The following GRM1 variants were observed in gnomAD, a reference collection of about 807,000 sequenced individuals.
GRM1 encodes glutamate metabotropic receptor 1, also known as metabotropic glutamate receptor 1.
A neutral mutation model predicts 90.9 loss-of-function variants in GRM1; 33 were observed. The ratio of observed to expected loss-of-function variants is 0.36; its 90% confidence interval spans 0.28 to 0.49. GRM1 has a LOEUF of 0.49. GRM1 is among the 20% of genes least tolerant of loss of function. The pLI is 0.99. For synonymous variants in GRM1, 700 were observed against 613.2 expected, an observed-to-expected ratio of 1.14 and a Z score of -2.09; for missense variants, 1,190 against 1,534.3, an observed-to-expected ratio of 0.78 and a Z score of 3.75.
chr6:146,416,106 T>G (rs1777773318), intron 7 of GRM1, among the ~76,000 whole-genome samples: 1 of 152,188 alleles, frequency 6.6e-6, no homozygotes. Context: ...GTTTATATGT[T>G]TAAGGATTGT....
At chr6:146,346,308 G>C (rs1031324332) in intron 3 of GRM1, among the ~76,000 whole-genome samples, 1 of 152,000 alleles carries the variant, frequency 6.6e-6, no homozygotes, top group African/African-American at 2.4e-5. Flanking sequence ...CACATGTAAA[G>C]CCCAGGTGGG....
intron 7 of GRM1, among the ~76,000 whole-genome samples, chr6:146,421,948 GCAAT>G (rs374113796): frequency 1.7e-4 from 26 of 152,204 alleles, no homozygotes; most frequent in African/African-American, 5.5e-4. Context: ...GCTTTGGAAA[GCAAT>G]CAGAGGCACA....
chr6:146,029,912 A>G lies in GRM1; in HGVS notation c.395A>G (p.Asp132Gly). 3 of 1,614,034 alleles carry G rather than the reference A, an allele frequency of 1.9e-6. No individual in the cohort carries two copies. Among genetic ancestry groups the G allele is most frequent in the Non-Finnish European group, 2.5e-6 (3 of 1,179,986 alleles). The change falls in exon 1 of 8, where the codon GAT (aspartate) becomes GGT (glycine). Residue 132 changes from aspartate to glycine, a missense_variant. Physicochemically the swap from Asp to Gly is moderately conservative, Grantham distance 94. Transcript: ENST00000282753. The part of the protein sequence containing the change: ...FIRDSLISIR[D>G]EKDGINRCLP... ...AGGGACTCTCTGATTTCCATTCGAG[A>G]TGAGAAGGATGGGATCAACCGGTGT...
At chr6:146,191,198 C>T (rs766108062) in intron 2 of GRM1, among the ~76,000 whole-genome samples, 13 of 152,168 alleles carry the variant, frequency 8.5e-5, no homozygotes, top group Admixed American at 3.9e-4. Context: ...TGCCATCGTG[C>T]CCCCATTCCT....
intron 2 of GRM1, among the ~76,000 whole-genome samples, chr6:146,235,957 C>G (rs1484198311): frequency 6.6e-6 from 1 of 151,778 alleles, no homozygotes; most frequent in East Asian, 1.9e-4. Flanking sequence ...CCTTGTGTGC[C>G]TTATACTTTT....
At chr6:146,314,733 C>T (rs1219690391) in intron 3 of GRM1, among the ~76,000 whole-genome samples, 1 of 152,002 alleles carries the variant, frequency 6.6e-6, no homozygotes, top group Non-Finnish European at 1.5e-5. Context: ...TCCATCATTC[C>T]ATTTTTTTTT....
intron 2 of GRM1, among the ~76,000 whole-genome samples, chr6:146,209,738 T>A (rs1010480174): frequency 5.3e-5 from 8 of 152,168 alleles, no homozygotes; most frequent in African/African-American, 1.7e-4. Flanking sequence ...ACATTACAAA[T>A]CAAATTGGTA....
intron 2 of GRM1, among the ~76,000 whole-genome samples, chr6:146,214,674 A>G (rs1257355978): frequency 6.6e-6 from 1 of 152,220 alleles, no homozygotes; most frequent in East Asian, 1.9e-4. Flanking sequence ...GAAGAATAAT[A>G]GAGTTATGTC....
At chr6:146,032,080 T>C (rs1262929728) in intron 1 of GRM1, among the ~76,000 whole-genome samples, 1 of 152,178 alleles carries the variant, frequency 6.6e-6, no homozygotes, top group Non-Finnish European at 1.5e-5. Context: ...TAGAATTATG[T>C]TTTTGGAAAA....
chr6:146,209,252 T>A lies in GRM1; in HGVS notation c.950+49655T>A, dbSNP rs533788055. On this transcript the variant is annotated intron_variant, in intron 2 of 7. Coordinates refer to ENST00000282753, the MANE Select transcript of GRM1 (RefSeq NM_001278064.2). Reference sequence around the variant, plus strand: ...TTTTATTTTTAGAAAATTGAGCAAATGCTCCAAATCTTAGGTTAAGAGTCA... The same window carrying A: ...TTTTATTTTTAGAAAATTGAGCAAAAGCTCCAAATCTTAGGTTAAGAGTCA... Among the ~76,000 whole-genome samples, 18 of 152,174 alleles carry A rather than the reference T, an allele frequency of 1.2e-4. No homozygotes were observed. In the East Asian group the frequency reaches 2.3e-3, roughly 20 times the overall value.
In GRM1 at chr6:146,433,921, C is replaced by A. The variant is rs368228157; in HGVS notation, c.2710C>A (p.Pro904Thr). ...GTCTGAACCAGGTGGAGGACAGGTG[C>A]CCAAGGGACAGCATATGTGGCACCG... ...SWSEPGGGQV[P>T]KGQHMWHRLS... Residue 904 changes from proline to threonine, a missense_variant, in exon 8 of 8, where the codon CCC becomes ACC. Pro to Thr is a conservative substitution (Grantham distance 38). Transcript: ENST00000282753. The A allele has an allele frequency of 6.2e-6, 10 of 1,613,756 alleles. No individual in the cohort carries two copies. The African/African-American group carries it at 1.2e-4, about 19-fold the overall frequency.
At chr6:146,401,577 C>T (rs1324443238) in intron 7 of GRM1, among the ~76,000 whole-genome samples, 1 of 152,166 alleles carries the variant, frequency 6.6e-6, no homozygotes, top group East Asian at 1.9e-4. Flanking sequence ...CACTTTATTG[C>T]AACACCTATG....
intron 2 of GRM1, among the ~76,000 whole-genome samples, chr6:146,188,822 A>G (rs1470061251): frequency 6.6e-6 from 1 of 152,174 alleles, no homozygotes; most frequent in East Asian, 1.9e-4. Context: ...ACTCTTTTAA[A>G]TCTAGAACTT....
In GRM1 at chr6:146,029,705, C is replaced by T; in HGVS notation, c.188C>T (p.Pro63Leu). The change falls in exon 1 of 8, where the codon CCC becomes CTC. Residue 63 changes from proline to leucine, a missense_variant. Physicochemically the swap from Pro to Leu is moderately conservative, Grantham distance 98. Coordinates refer to ENST00000282753, the MANE Select transcript of GRM1 (RefSeq NM_001278064.2). ...VHHQPPAEKVPERKCGEIREQ... is the reference protein window; with the variant it reads ...VHHQPPAEKVLERKCGEIREQ... ...CACCAGCCTCCGGCCGAGAAAGTGC[C>T]CGAGAGGAAGTGTGGGGAGATCAGG... 6.2e-7 allele frequency: 1 copy of T among 1,614,066 alleles called. No individual in the cohort carries two copies. The highest frequency in any genetic ancestry group is 1.1e-5 in the South Asian group (1 of 91,070).
chr6:146,351,696 C>T (rs972190488), intron 3 of GRM1, among the ~76,000 whole-genome samples: 4 of 151,994 alleles, frequency 2.6e-5, no homozygotes, highest in South Asian at 4.2e-4. Flanking sequence ...TTAAATATTT[C>T]GGCCCCATCA....
At chr6:146,218,535 T>C (rs1779950888) in intron 2 of GRM1, among the ~76,000 whole-genome samples, 2 of 152,304 alleles carry the variant, frequency 1.3e-5, no homozygotes, top group South Asian at 4.1e-4. Context: ...ATAAGTGATG[T>C]GCTTGCAAGA....
intron 5 of GRM1, among the ~76,000 whole-genome samples, chr6:146,379,237 A>G (rs1289107508): frequency 6.6e-6 from 1 of 151,652 alleles, no homozygotes; most frequent in Non-Finnish European, 1.5e-5. Flanking sequence ...GCTATTTACT[A>G]GTTTCTGTAG....
At chr6:146,065,454 T>C (rs142583419) in intron 1 of GRM1, among the ~76,000 whole-genome samples, 1 of 152,320 alleles carries the variant, frequency 6.6e-6, no homozygotes, top group East Asian at 1.9e-4. Flanking sequence ...TCTGAATCTG[T>C]AAAATACAGA....
At chr6:146,032,597 G>A (rs1214018021) in intron 1 of GRM1, among the ~76,000 whole-genome samples, 1 of 152,114 alleles carries the variant, frequency 6.6e-6, no homozygotes, top group Non-Finnish European at 1.5e-5. Flanking sequence ...ACAGTTCCCT[G>A]TCAAATAGCA....
Sources: gnomAD v4.1 joint callset for allele counts (sites outside exome capture counted in the v4.1 genomes callset) on GRCh38, gnomAD v4.1.1 for gene constraint, MANE v1.5 for transcripts, NCBI Gene and HGNC (gene_info 2026-07-23, HGNC 2026-07-21) for gene names.